PTPRG: variants seen among roughly 807,000 people sequenced by gnomAD.
PTPRG encodes receptor-type tyrosine-protein phosphatase gamma.
A neutral mutation model predicts 165.3 loss-of-function variants in PTPRG; 102 were observed. The observed-to-expected ratio is 0.62, with a 90% CI of 0.53 to 0.73. The LOEUF (loss-of-function observed/expected upper bound fraction) is 0.73. PTPRG is among the 30% of genes least tolerant of loss of function. The pLI is 0.00. For missense variants in PTPRG, 1,866 were observed against 1,861.4 expected (o/e 1.00, Z -0.05); for synonymous variants, 675 against 669.5 (o/e 1.01, Z -0.13).
intron 7 of PTPRG, among the ~76,000 whole-genome samples, chr3:62,167,276 G>C (rs1302783188): frequency 6.6e-6 from 1 of 152,116 alleles, no homozygotes. Flanking sequence ...GGTAAATGTT[G>C]AACTTAGGCA....
chr3:61,679,524 T>G (rs1033914369), intron 1 of PTPRG, among the ~76,000 whole-genome samples: 1 of 152,128 alleles, frequency 6.6e-6, no homozygotes, highest in African/African-American at 2.4e-5. Context: ...GTGGCTCACG[T>G]CTGTAATCCC....
At position 61,708,749 on chromosome 3, in the gene PTPRG, G is replaced by A. The variant is rs189763144; in HGVS notation, c.86-40129G>A. Among the ~76,000 whole-genome samples the A allele has an allele frequency of 9.0e-4, 137 of 152,156 alleles. 1 individual carries two copies. In the East Asian group the frequency reaches 0.021, roughly 23 times the overall value. ...TGGAATTACAGGCATGAGCCACCGC[G>A]CCTGGCTTTCTGCAAATCTTAAATT... is the stretch of plus-strand genomic sequence containing the variant. On this transcript the variant is annotated intron_variant, in intron 1 of 29. Coordinates refer to ENST00000474889, the MANE Select transcript of PTPRG (RefSeq NM_002841.4).
chr3:62,043,497 T>C (rs1326485537), intron 4 of PTPRG, among the ~76,000 whole-genome samples: 1 of 152,208 alleles, frequency 6.6e-6, no homozygotes, highest in Non-Finnish European at 1.5e-5. Flanking sequence ...AGAGCCCTTC[T>C]CATAAGAGAA....
At chr3:62,215,552 C>G (rs1254804155) in intron 12 of PTPRG, among the ~76,000 whole-genome samples, 4 of 141,574 alleles carry the variant, frequency 2.8e-5, no homozygotes, top group Admixed American at 6.9e-5. Flanking sequence ...GGGAACCCCC[C>G]CCCCCCGCCA....
At chr3:62,108,121 G>A (rs561846554) in intron 5 of PTPRG, among the ~76,000 whole-genome samples, 8 of 151,178 alleles carry the variant, frequency 5.3e-5, no homozygotes, top group African/African-American at 1.2e-4. Flanking sequence ...ACGTATACAC[G>A]TGCCCTGGTG....
At chr3:61,824,945 ATG>A (rs1553676463) in intron 2 of PTPRG, among the ~76,000 whole-genome samples, 1 of 152,206 alleles carries the variant, frequency 6.6e-6, no homozygotes, top group Non-Finnish European at 1.5e-5. Flanking sequence ...CCTTGTGGAT[ATG>A]TGTTCCTTGA....
chr3:61,700,106 T>C (rs2030871510), intron 1 of PTPRG, among the ~76,000 whole-genome samples: 1 of 152,156 alleles, frequency 6.6e-6, no homozygotes, highest in African/African-American at 2.4e-5. Flanking sequence ...TCTGAAAATC[T>C]GAGGAGGTTT....
chr3:61,738,300 A>ATT, intron 1 of PTPRG, among the ~76,000 whole-genome samples: 1 of 60,638 alleles, frequency 1.6e-5, no homozygotes, highest in African/African-American at 5.7e-5. Flanking sequence ...ATATATATAT[A>ATT]TATATATATA....
At chr3:61,816,097 C>G (rs56175501) in intron 2 of PTPRG, among the ~76,000 whole-genome samples, 1 of 152,150 alleles carries the variant, frequency 6.6e-6, no homozygotes, top group African/African-American at 2.4e-5. Context: ...TCAGTATCAT[C>G]TAGTCAAGCT....
Position 62,294,595 on chromosome 3 carries a change from A to T in PTPRG, c.*1288A>T, listed in dbSNP as rs1259213198. 6.6e-6 allele frequency: 1 copy of T among 152,114 alleles called. No individual in the cohort carries two copies. Among genetic ancestry groups the T allele is most frequent in the Non-Finnish European group, 1.5e-5 (1 of 67,996 alleles). 9.4% of individuals were successfully genotyped at this position (152,114 alleles called of 1,614,324 possible). On this transcript the variant is annotated 3_prime_UTR_variant, in exon 30 of 30. Transcript: ENST00000474889. ...ATCATTAGAGCTCAAGGAAGTTATT[A>T]GGTGCAGCCTCTGGAGCCATACTCA...
chr3:61,866,951 C>T (rs1294801058), intron 2 of PTPRG, among the ~76,000 whole-genome samples: 1 of 152,112 alleles, frequency 6.6e-6, no homozygotes, highest in Non-Finnish European at 1.5e-5. Flanking sequence ...AGAGAGACCA[C>T]AGGAGTGCTA....
intron 2 of PTPRG, among the ~76,000 whole-genome samples, chr3:61,897,261 A>G (rs2038382582): frequency 6.6e-6 from 1 of 151,906 alleles, no homozygotes. Flanking sequence ...TTTTGAGTTA[A>G]TGTTTGTATG....
At chr3:61,700,295 A>C (rs2030882122) in intron 1 of PTPRG, among the ~76,000 whole-genome samples, 1 of 152,192 alleles carries the variant, frequency 6.6e-6, no homozygotes, top group Non-Finnish European at 1.5e-5. Flanking sequence ...TATTTCATCC[A>C]GATCTGTTTT....
intron 2 of PTPRG, among the ~76,000 whole-genome samples, chr3:61,789,516 T>C (rs1559612857): frequency 6.6e-6 from 1 of 152,190 alleles, no homozygotes; most frequent in Non-Finnish European, 1.5e-5. Flanking sequence ...AATATAGTGT[T>C]ATAATTGCTA....
chr3:62,049,639 A>T (rs564194631), intron 4 of PTPRG, among the ~76,000 whole-genome samples: 1 of 152,190 alleles, frequency 6.6e-6, no homozygotes, highest in African/African-American at 2.4e-5. Flanking sequence ...TTGAACTTGC[A>T]TAGGTTCAAA....
At chr3:61,586,642 G>T (rs1046276706) in intron 1 of PTPRG, among the ~76,000 whole-genome samples, 1 of 152,212 alleles carries the variant, frequency 6.6e-6, no homozygotes, top group African/African-American at 2.4e-5. Context: ...GAGACCAATA[G>T]GGTTGTGAGA....
intron 7 of PTPRG, among the ~76,000 whole-genome samples, chr3:62,159,328 C>CA (rs146075876): frequency 0.089 from 12,771 of 144,214 alleles, 849 homozygotes; most frequent in East Asian, 0.36. Flanking sequence ...GAGACTGTCT[C>CA]AAAAAAAAAA....
chr3:61,768,181 C>G (rs1184067428), intron 2 of PTPRG, among the ~76,000 whole-genome samples: 2 of 152,050 alleles, frequency 1.3e-5, no homozygotes, highest in African/African-American at 4.8e-5. Context: ...GAGAGTTATT[C>G]ATCAAAAAGC....
In PTPRG at chr3:62,273,003, A is replaced by G; in HGVS notation, c.3240A>G (p.Ile1080Met). ...YIVIDSMLQQ[I>M]KDKSTVNVLG... Reference sequence around the variant, plus strand: ...TAATAGACAGCATGCTGCAACAGATAAAAGACAAAAGCACAGTTAACGTCC... The same window carrying G: ...TAATAGACAGCATGCTGCAACAGATGAAAGACAAAAGCACAGTTAACGTCC... Residue 1080 changes from isoleucine to methionine, a missense_variant, in exon 22 of 30, where the codon ATA becomes ATG. By Grantham distance (10) the Ile-to-Met change is conservative (BLOSUM62 1). Transcript: ENST00000474889. The surrounding 1 kb of genome is among the most constrained non-coding windows in gnomAD (Gnocchi z 4.1). The G allele has an allele frequency of 6.2e-7, 1 of 1,613,874 alleles. No individual in the cohort carries two copies. The highest frequency in any genetic ancestry group is 8.5e-7 in the Non-Finnish European group (1 of 1,179,836).
Sources: gnomAD v4.1 joint callset for allele counts (sites outside exome capture counted in the v4.1 genomes callset) on GRCh38, gnomAD v4.1.1 for gene constraint, Gnocchi (gnomAD v3.1) non-coding constraint, MANE v1.5 for transcripts, NCBI Gene and HGNC (gene_info 2026-07-23, HGNC 2026-07-21) for gene names.